ANO3: variants seen among roughly 807,000 people sequenced by gnomAD.
ANO3 encodes the protein anoctamin 3.
Under a neutral mutation model 144.8 loss-of-function variants are expected in ANO3, and 99 were observed. That is an observed-to-expected ratio of 0.68 (90% CI 0.58 to 0.81). The LOEUF is 0.81. Ranked by LOEUF, ANO3 falls within the 30% of genes least tolerant of loss-of-function variation. The pLI, the probability that ANO3 is intolerant of heterozygous loss-of-function variation, is 0.00. For synonymous variants in ANO3, 414 were observed against 392.6 expected, an observed-to-expected ratio of 1.05 and a Z score of -0.64; for missense variants, 905 against 1,202.2, an observed-to-expected ratio of 0.75 and a Z score of 3.66.
intron 14 of ANO3, among the ~76,000 whole-genome samples, chr11:26,589,189 C>T (rs2132885486): frequency 6.6e-6 from 1 of 152,316 alleles, no homozygotes; most frequent in Non-Finnish European, 1.5e-5. Flanking sequence ...AGCCAATTAG[C>T]ATCTTTGCTT....
intron 1 of ANO3, among the ~76,000 whole-genome samples, chr11:26,320,152 T>C (rs1198269991): frequency 6.6e-6 from 1 of 152,208 alleles, no homozygotes; most frequent in African/African-American, 2.4e-5. Flanking sequence ...CTGGAGTTCC[T>C]GTAGAGAAAA....
intron 1 of ANO3, among the ~76,000 whole-genome samples, chr11:26,349,827 C>T (rs542870679): frequency 2.0e-5 from 3 of 152,254 alleles, no homozygotes; most frequent in South Asian, 2.1e-4. Flanking sequence ...GGATTACAGG[C>T]GTGAGCTACC....
chr11:26,549,733 A>G (rs1849882160), intron 12 of ANO3, among the ~76,000 whole-genome samples: 1 of 151,894 alleles, frequency 6.6e-6, no homozygotes, highest in African/African-American at 2.4e-5. Context: ...GGGAAAAGAT[A>G]CAGGAATTTG....
chr11:26,196,393 GTTC>G (rs1329219563), intron 1 of ANO3, among the ~76,000 whole-genome samples: 1 of 151,840 alleles, frequency 6.6e-6, no homozygotes, highest in Admixed American at 6.6e-5. Flanking sequence ...GCATTTTATA[GTTC>G]TTCTTTTCCA....
intron 17 of ANO3, among the ~76,000 whole-genome samples, chr11:26,614,598 C>T (rs1567352): frequency 0.28 from 42,304 of 151,968 alleles, 6,397 homozygotes; most frequent in South Asian, 0.46. Context: ...TGGAGTTGCA[C>T]GGACCTCAGC....
intron 1 of ANO3, among the ~76,000 whole-genome samples, chr11:26,303,246 T>A (rs558846869): frequency 6.6e-6 from 1 of 152,296 alleles, no homozygotes; most frequent in South Asian, 2.1e-4. Flanking sequence ...TGCAGTTGTA[T>A]GTTCATCACA....
chr11:26,208,512 CAAAAAAAA>C (rs67196052), intron 1 of ANO3, among the ~76,000 whole-genome samples: 7 of 121,682 alleles, frequency 5.8e-5, no homozygotes, highest in African/African-American at 2.4e-4. Flanking sequence ...GACTCCGTCT[CAAAAAAAA>C]AAAAAAAGGA....
intron 1 of ANO3, among the ~76,000 whole-genome samples, chr11:26,251,628 C>T (rs1052592494): frequency 6.3e-4 from 96 of 152,190 alleles, no homozygotes; most frequent in African/African-American, 2.0e-3. Flanking sequence ...ACTGCTATAA[C>T]GAAATACCCA....
At chr11:26,407,066 G>GTA (rs1293298817) in intron 1 of ANO3, among the ~76,000 whole-genome samples, 19 of 57,252 alleles carry the variant, frequency 3.3e-4, no homozygotes, top group Admixed American at 1.2e-3. Context: ...GTGTGTGTGT[G>GTA]TGTGTGTGTG....
At chr11:26,317,836 T>C (rs1328413295) in intron 1 of ANO3, among the ~76,000 whole-genome samples, 2 of 152,188 alleles carry the variant, frequency 1.3e-5, no homozygotes, top group Non-Finnish European at 2.9e-5. Context: ...CTGTTCACAA[T>C]AGCAAAGACT....
chr11:26,271,455 G>A (rs1853436747), intron 1 of ANO3, among the ~76,000 whole-genome samples: 1 of 152,170 alleles, frequency 6.6e-6, no homozygotes, highest in Admixed American at 6.5e-5. Flanking sequence ...AAATATTCAG[G>A]AGTGTCAATT....
chr11:26,518,081 T>C (rs140157074), intron 6 of ANO3, among the ~76,000 whole-genome samples: 10 of 152,018 alleles, frequency 6.6e-5, no homozygotes, highest in African/African-American at 2.4e-4. Flanking sequence ...AAGAATAAAA[T>C]TTAAAAAAAG....
chr11:26,192,358 C>T (rs1851494204), intron 1 of ANO3, among the ~76,000 whole-genome samples: 1 of 151,866 alleles, frequency 6.6e-6, no homozygotes, highest in Non-Finnish European at 1.5e-5. Flanking sequence ...AGGTGATAGC[C>T]AAAGTAGAAG....
At chr11:26,299,691 G>A (rs1368431892) in intron 1 of ANO3, among the ~76,000 whole-genome samples, 1 of 152,142 alleles carries the variant, frequency 6.6e-6, no homozygotes, top group Non-Finnish European at 1.5e-5. Flanking sequence ...GACTGGACTT[G>A]ACTCTGTAGG....
At chr11:26,515,990 T>C (rs1312920785) in intron 5 of ANO3, among the ~76,000 whole-genome samples, 2 of 151,936 alleles carry the variant, frequency 1.3e-5, no homozygotes, top group East Asian at 3.9e-4. Flanking sequence ...ACATGAGTGA[T>C]GTATGATGCC....
intron 1 of ANO3, among the ~76,000 whole-genome samples, chr11:26,311,627 A>T (rs1280886232): frequency 1.3e-5 from 2 of 152,208 alleles, no homozygotes; most frequent in Admixed American, 1.3e-4. Flanking sequence ...GGCAGCTCTA[A>T]GTTGACTTTT....
At chr11:26,580,954 G>A (rs1851113235) in intron 14 of ANO3, among the ~76,000 whole-genome samples, 1 of 152,178 alleles carries the variant, frequency 6.6e-6, no homozygotes, top group African/African-American at 2.4e-5. Flanking sequence ...CCTCCCAGAA[G>A]TTCCTTGTCT....
intron 17 of ANO3, among the ~76,000 whole-genome samples, chr11:26,615,775 T>A (rs1852242156): frequency 6.6e-6 from 1 of 152,222 alleles, no homozygotes; most frequent in East Asian, 1.9e-4. Context: ...TTAAGTTTGA[T>A]CATTTATTTC....
intron 1 of ANO3, among the ~76,000 whole-genome samples, chr11:26,283,774 A>T (rs958362563): frequency 2.6e-5 from 4 of 152,196 alleles, no homozygotes; most frequent in Non-Finnish European, 5.9e-5. Context: ...ATTCTAATGG[A>T]GGAGACAGAT....
Sources: allele counts gnomAD v4.1 joint callset (sites outside exome capture counted in the v4.1 genomes callset), GRCh38; gene constraint gnomAD v4.1.1; transcripts MANE v1.5; gene names NCBI Gene and HGNC (gene_info 2026-07-23, HGNC 2026-07-21).